Variants in TAFA4 observed in about 807,000 individuals in gnomAD.
TAFA4 encodes TAFA chemokine like family member 4.
In TAFA4, 20 loss-of-function variants were observed where a neutral mutation model predicts 21.1. That is an observed-to-expected ratio of 0.95 (90% CI 0.67 to 1.38). The LOEUF (loss-of-function observed/expected upper bound fraction) is 1.38. TAFA4 is among the 40% of genes most tolerant of loss of function. TAFA4 has a pLI of 0.00. For synonymous variants in TAFA4, 71 were observed against 67.4 expected, an observed-to-expected ratio of 1.05 and a Z score of -0.26; for missense variants, 211 against 180.9, an observed-to-expected ratio of 1.17 and a Z score of -0.95.
chr3:68,820,411 G>A (rs368289451), intron 3 of TAFA4, among the ~76,000 whole-genome samples: 14 of 152,244 alleles, frequency 9.2e-5, no homozygotes, highest in Non-Finnish European at 1.9e-4. Flanking sequence ...GGGCACGGTA[G>A]CTGACGCCTG....
At chr3:68,809,187 C>T (rs897401831) in intron 3 of TAFA4, among the ~76,000 whole-genome samples, 4 of 152,222 alleles carry the variant, frequency 2.6e-5, no homozygotes, top group African/African-American at 9.6e-5. Flanking sequence ...TGGTTAGCAA[C>T]AATCCATTTA....
intron 3 of TAFA4, among the ~76,000 whole-genome samples, chr3:68,846,424 T>C (rs1211923889): frequency 1.3e-5 from 2 of 152,092 alleles, no homozygotes; most frequent in African/African-American, 2.4e-5. Context: ...TCTAACCTTT[T>C]TTCAAGGTTC....
intron 3 of TAFA4, among the ~76,000 whole-genome samples, chr3:68,787,906 C>T (rs762458262): frequency 6.6e-6 from 1 of 152,136 alleles, no homozygotes; most frequent in Non-Finnish European, 1.5e-5. Flanking sequence ...TGGGTCAAGG[C>T]TCTGAAAATG....
At chr3:68,786,271 A>T (rs1387882965) in intron 3 of TAFA4, among the ~76,000 whole-genome samples, 3 of 152,204 alleles carry the variant, frequency 2.0e-5, no homozygotes, top group Non-Finnish European at 2.9e-5. Context: ...ATTAAATTTT[A>T]AAAAAAGAAA....
chr3:68,772,703 G>A (rs1702980935), intron 3 of TAFA4, among the ~76,000 whole-genome samples: 1 of 152,168 alleles, frequency 6.6e-6, no homozygotes, highest in Non-Finnish European at 1.5e-5. Context: ...GTGCCTGGAT[G>A]GGTAGAGGGA....
At chr3:68,833,500 G>C (rs1057085898) in intron 3 of TAFA4, among the ~76,000 whole-genome samples, 5 of 151,978 alleles carry the variant, frequency 3.3e-5, no homozygotes, top group African/African-American at 1.2e-4. Flanking sequence ...TTCAATAAAA[G>C]GACCAATATA....
At chr3:68,781,732 ATAG>A (rs1703157593) in intron 3 of TAFA4, among the ~76,000 whole-genome samples, 1 of 152,180 alleles carries the variant, frequency 6.6e-6, no homozygotes, top group Admixed American at 6.5e-5. Flanking sequence ...AGAAAAAGGA[ATAG>A]GAGGGAACAT....
chr3:68,821,061 C>A (rs1021191583), intron 3 of TAFA4, among the ~76,000 whole-genome samples: 2 of 152,214 alleles, frequency 1.3e-5, no homozygotes, highest in Non-Finnish European at 2.9e-5. Flanking sequence ...ATTTTAGTCA[C>A]TAATGTGCTG....
At chr3:68,900,962 T>C (rs912573275) in intron 1 of TAFA4, among the ~76,000 whole-genome samples, 7 of 152,236 alleles carry the variant, frequency 4.6e-5, no homozygotes, top group African/African-American at 1.4e-4. Context: ...TGGTTTGCTA[T>C]GTAGTTCAGC....
At chr3:68,822,267 C>T (rs1430713583) in intron 3 of TAFA4, among the ~76,000 whole-genome samples, 1 of 152,170 alleles carries the variant, frequency 6.6e-6, no homozygotes, top group Non-Finnish European at 1.5e-5. Context: ...GCCTAAATTT[C>T]ACCAAATGAG....
chr3:68,745,388 A>T (rs1223602374), intron 4 of TAFA4, among the ~76,000 whole-genome samples: 5 of 152,208 alleles, frequency 3.3e-5, no homozygotes, highest in Middle Eastern at 3.2e-3. Context: ...TACACTTTAA[A>T]TGAGAAAGTG....
At chr3:68,868,861 T>C (rs1271468930) in intron 3 of TAFA4, among the ~76,000 whole-genome samples, 3 of 151,630 alleles carry the variant, frequency 2.0e-5, no homozygotes, top group Non-Finnish European at 4.4e-5. Flanking sequence ...CCAAAATTAG[T>C]AGAAGGAATG....
rs553107072 is a variant in TAFA4 at position 68,765,900 on chromosome 3, G to A, written c.131-12882C>T. ...AATAGGTGCTTCAATGCATGGGGCTGACAGCAAGAGGCTAAGCTGACCATC... is the reference window on the plus strand; with the variant it reads ...AATAGGTGCTTCAATGCATGGGGCTAACAGCAAGAGGCTAAGCTGACCATC... On this transcript the variant is annotated intron_variant, in intron 3 of 5. Coordinates refer to ENST00000295569, the MANE Select transcript of TAFA4 (RefSeq NM_182522.5). Among the ~76,000 whole-genome samples, 5 of 152,262 alleles carry A rather than the reference G, an allele frequency of 3.3e-5. No homozygotes were observed. The East Asian group carries it at 9.7e-4, about 29-fold the overall frequency.
chr3:68,878,841 C>T (rs1402971534), intron 3 of TAFA4, among the ~76,000 whole-genome samples: 1 of 152,028 alleles, frequency 6.6e-6, no homozygotes, highest in African/African-American at 2.4e-5. Context: ...GTCTCACCAC[C>T]CAACCTGTGA....
intron 3 of TAFA4, among the ~76,000 whole-genome samples, chr3:68,839,910 G>A (rs1704620098): frequency 6.6e-6 from 1 of 152,190 alleles, no homozygotes; most frequent in African/African-American, 2.4e-5. Context: ...GACCCTTGCT[G>A]GGTCTATCAT....
Position 68,784,660 on chromosome 3 carries a change from C to A in TAFA4, c.131-31642G>T, listed in dbSNP as rs143125150. On this transcript the variant is annotated intron_variant, in intron 3 of 5. Transcript: ENST00000295569. ...CAGCAGCAAGATTTATTGCAAAGAGCAAAAGAACAAAGTTTCCACAGGGTG... is the reference window on the plus strand; with the variant it reads ...CAGCAGCAAGATTTATTGCAAAGAGAAAAAGAACAAAGTTTCCACAGGGTG... Among the ~76,000 whole-genome samples the A allele has an allele frequency of 5.3e-5, 8 of 152,274 alleles. No individual in the cohort carries two copies. The East Asian group carries it at 1.5e-3, about 29-fold the overall frequency.
intron 1 of TAFA4, among the ~76,000 whole-genome samples, chr3:68,919,206 C>T (rs1319850454): frequency 6.6e-6 from 1 of 152,232 alleles, no homozygotes; most frequent in Non-Finnish European, 1.5e-5. Flanking sequence ...AGGTTAATGG[C>T]TGTATTTACA....
chr3:68,801,263 G>A (rs1387781177), intron 3 of TAFA4, among the ~76,000 whole-genome samples: 1 of 152,154 alleles, frequency 6.6e-6, no homozygotes, highest in African/African-American at 2.4e-5. Context: ...CAAAATATCG[G>A]AAGGGATTAT....
At chr3:68,824,275 G>T (rs1184476119) in intron 3 of TAFA4, among the ~76,000 whole-genome samples, 1 of 152,158 alleles carries the variant, frequency 6.6e-6, no homozygotes, top group African/African-American at 2.4e-5. Flanking sequence ...AGTCCAAAAT[G>T]GGTTTAACTG....
Sources: gnomAD v4.1 joint callset for allele counts (sites outside exome capture counted in the v4.1 genomes callset) on GRCh38, gnomAD v4.1.1 for gene constraint, MANE v1.5 for transcripts, NCBI Gene and HGNC (gene_info 2026-07-23, HGNC 2026-07-21) for gene names.